APBB1IP: variants seen among roughly 807,000 people sequenced by gnomAD.
The protein encoded by APBB1IP is amyloid beta A4 precursor protein-binding family B member 1-interacting protein.
In APBB1IP, 27 loss-of-function variants were observed where a neutral mutation model predicts 64.9. The observed-to-expected ratio is 0.42, with a 90% CI of 0.31 to 0.57. The LOEUF (loss-of-function observed/expected upper bound fraction) is 0.57, where lower values mean the gene tolerates loss of function less well. Among genes scored for constraint, APBB1IP ranks in the 20% least tolerant of loss-of-function variants. The probability of loss-of-function intolerance (pLI) is 0.20; values close to 1 mark genes in which losing one functional copy is unlikely to be tolerated. For missense variants in APBB1IP, 812 were observed against 845.5 expected (o/e 0.96, Z 0.49); for synonymous variants, 392 against 331.0 (o/e 1.18, Z -2.00).
chr10:26,551,234 G>A (rs966393806), intron 11 of APBB1IP, among the ~76,000 whole-genome samples: 3 of 152,194 alleles, frequency 2.0e-5, no homozygotes, highest in African/African-American at 2.4e-5. Flanking sequence ...TTTCAGCCCC[G>A]TTGGTACTTG....
intron 11 of APBB1IP, among the ~76,000 whole-genome samples, chr10:26,547,590 C>T (rs1269210382): frequency 3.3e-5 from 5 of 151,996 alleles, no homozygotes; most frequent in African/African-American, 9.7e-5. Context: ...TACAGGAACG[C>T]GCCACCACTC....
intron 6 of APBB1IP, among the ~76,000 whole-genome samples, chr10:26,506,257 G>C (rs894662246): frequency 5.7e-5 from 8 of 140,950 alleles, no homozygotes; most frequent in South Asian, 5.3e-4. Context: ...GTGTGGGGGG[G>C]GGGGGTGGGG....
chr10:26,516,909 T>G (rs889002220), intron 8 of APBB1IP, among the ~76,000 whole-genome samples: 3 of 152,160 alleles, frequency 2.0e-5, no homozygotes, highest in Non-Finnish European at 2.9e-5. Flanking sequence ...AAGGGTTACT[T>G]TACCTATAGT....
intron 5 of APBB1IP, among the ~76,000 whole-genome samples, chr10:26,502,815 C>T (rs970618680): frequency 6.6e-5 from 10 of 152,114 alleles, no homozygotes; most frequent in East Asian, 1.9e-4. Context: ...TTCCTTAGGT[C>T]GGATCCCAGT....
chr10:26,522,426 A>G (rs1836414244), intron 8 of APBB1IP, among the ~76,000 whole-genome samples: 1 of 152,214 alleles, frequency 6.6e-6, no homozygotes, highest in African/African-American at 2.4e-5. Flanking sequence ...GGTGATGTAC[A>G]GTAAGCTTTT....
At chr10:26,490,755 G>A (rs541940644) in intron 2 of APBB1IP, among the ~76,000 whole-genome samples, 17 of 152,254 alleles carry the variant, frequency 1.1e-4, no homozygotes, top group South Asian at 8.3e-4. Flanking sequence ...CAGTCCAGTT[G>A]AAAATTATTA....
intron 8 of APBB1IP, among the ~76,000 whole-genome samples, chr10:26,519,615 G>C (rs1410337581): frequency 1.3e-5 from 2 of 152,198 alleles, no homozygotes; most frequent in Non-Finnish European, 2.9e-5. Flanking sequence ...ATTTGGGCCA[G>C]GCCATGAATC....
intron 2 of APBB1IP, among the ~76,000 whole-genome samples, chr10:26,476,790 G>T (rs1835780923): frequency 6.6e-6 from 1 of 151,932 alleles, no homozygotes; most frequent in Non-Finnish European, 1.5e-5. Flanking sequence ...CCACTTTTCT[G>T]TTTTTATTTT....
At chr10:26,551,923 G>A (rs1421604772) in intron 11 of APBB1IP, among the ~76,000 whole-genome samples, 1 of 127,762 alleles carries the variant, frequency 7.8e-6, no homozygotes, top group Non-Finnish European at 1.6e-5. Context: ...GGACAGATGG[G>A]TGGGTGGATG....
At chr10:26,495,381 A>ACCTGTTC (rs11282349) in intron 3 of APBB1IP, among the ~76,000 whole-genome samples, 83,542 of 150,954 alleles carry the variant, frequency 0.55, 23,460 homozygotes, top group East Asian at 0.81. Flanking sequence ...GTCTCTCTGT[A>ACCTGTTC]CCTCATTCCT....
chr10:26,558,982 AGCCACTG>A (rs1836932235), intron 11 of APBB1IP, among the ~76,000 whole-genome samples: 2 of 152,200 alleles, frequency 1.3e-5, no homozygotes, highest in African/African-American at 4.8e-5. Context: ...TCCATCTGGA[AGCCACTG>A]GCCCACTTGG....
At chr10:26,547,474 T>C (rs1288907873) in intron 11 of APBB1IP, among the ~76,000 whole-genome samples, 1 of 152,132 alleles carries the variant, frequency 6.6e-6, no homozygotes, top group African/African-American at 2.4e-5. Context: ...ACAGTTTCGC[T>C]CTTGTTGACC....
At position 26,567,083 on chromosome 10, in the gene APBB1IP, C is replaced by T. The variant is rs1837056393; in HGVS notation, c.1596C>T (p.Pro532=). ...GGTCCTCCGACACCAGCGGCAGTCC[C>T]GCCACGCCCCTCAAGGCCAAGGGCA... ...VRRSSDTSGS[P]ATPLKAKGTG... is the part of the protein sequence containing the mutation. Residue 532 remains proline, a synonymous_variant, in exon 15 of 15, where the codon CCC becomes CCT. Coordinates refer to ENST00000376236, the MANE Select transcript of APBB1IP (RefSeq NM_019043.4). 9 of 1,477,170 alleles carry T rather than the reference C, an allele frequency of 6.1e-6. No individual in the cohort carries two copies. The highest frequency in any genetic ancestry group is 7.1e-6 in the Non-Finnish European group (8 of 1,127,858). The allele number at this position is 1,477,170 out of a possible 1,614,324, so 91.5% of individuals were successfully genotyped here.
At position 26,547,401 on chromosome 10, in the gene APBB1IP, G is replaced by A. The variant is rs181455321; in HGVS notation, c.1155+5709G>A. Among the ~76,000 whole-genome samples, 8 of 151,762 alleles carry A rather than the reference G, an allele frequency of 5.3e-5. No homozygotes were observed. In the East Asian group the frequency reaches 1.5e-3, roughly 29 times the overall value. On this transcript the variant is annotated intron_variant, in intron 11 of 14. Coordinates refer to ENST00000376236, the MANE Select transcript of APBB1IP (RefSeq NM_019043.4). ...CCTTGCTAGGCAGATTCACCGTTTTGGGTCTTTCTTTTTGTTGGTTTGTTT... is the reference window on the plus strand; with the variant it reads ...CCTTGCTAGGCAGATTCACCGTTTTAGGTCTTTCTTTTTGTTGGTTTGTTT...
chr10:26,511,865 T>G lies in APBB1IP; in HGVS notation c.650T>G (p.Val217Gly). ...LFEKTHCDCN[V>G]DWCLYEIYPE... ...GAGAAAACTCATTGTGACTGCAATG[T>G]AGACTGGTGTCTTTATGAAATCTAC... Residue 217 changes from valine (V) to glycine (G), a missense_variant, in exon 7 of 15, where the codon GTA (valine) becomes GGA (glycine). Physicochemically the swap from Val to Gly is moderately radical, Grantham distance 109. Around this residue, in one of 3 missense-constraint regions of APBB1IP, gnomAD observed 394 missense variants for 413.1 expected, o/e 0.95. Transcript: ENST00000376236. 6.2e-7 allele frequency: 1 copy of G among 1,614,228 alleles called. No homozygotes were observed.
intron 2 of APBB1IP, among the ~76,000 whole-genome samples, chr10:26,476,765 A>G (rs1446849992): frequency 2.0e-5 from 3 of 152,022 alleles, no homozygotes; most frequent in East Asian, 3.9e-4. Context: ...AACTTTTCCA[A>G]TTACCCAACA....
chr10:26,511,324 A>G (rs961766844), intron 6 of APBB1IP, among the ~76,000 whole-genome samples: 3 of 152,234 alleles, frequency 2.0e-5, no homozygotes, highest in African/African-American at 7.2e-5. Flanking sequence ...AGCCTGGGCG[A>G]CAGAGCAAGA....
chr10:26,458,787 T>C (rs1405829129), intron 2 of APBB1IP, among the ~76,000 whole-genome samples: 2 of 152,162 alleles, frequency 1.3e-5, no homozygotes, highest in Non-Finnish European at 2.9e-5. Context: ...CTTTCACTAA[T>C]TCTATTATTA....
At chr10:26,524,116 C>A (rs904274441) in intron 8 of APBB1IP, among the ~76,000 whole-genome samples, 1 of 152,026 alleles carries the variant, frequency 6.6e-6, no homozygotes, top group African/African-American at 2.4e-5. Context: ...CTTCTCCCAC[C>A]CTCCTTTCTC....
Sources: gnomAD v4.1 joint callset for allele counts (sites outside exome capture counted in the v4.1 genomes callset) on GRCh38, gnomAD v4.1.1 for gene constraint, gnomAD v4.1.1 regional missense constraint, MANE v1.5 for transcripts, NCBI Gene and HGNC (gene_info 2026-07-23, HGNC 2026-07-21) for gene names.